Variants in AGAP1 observed in about 807,000 individuals in gnomAD.
AGAP1 encodes the protein arf-GAP with GTPase, ANK repeat and PH domain-containing protein 1.
A neutral mutation model predicts 105.3 loss-of-function variants in AGAP1; 29 were observed. That is an observed-to-expected ratio of 0.28 (90% CI 0.21 to 0.38). The LOEUF is 0.38. Ranked by LOEUF, AGAP1 falls within the 10% of genes least tolerant of loss-of-function variation. The pLI, the probability that AGAP1 is intolerant of heterozygous loss-of-function variation, is 1.00. For synonymous variants in AGAP1, 509 were observed against 485.9 expected (o/e 1.05, Z -0.63); for missense variants, 998 against 1,165.1 (o/e 0.86, Z 2.09).
intron 1 of AGAP1, among the ~76,000 whole-genome samples, chr2:235,658,700 G>A (rs1302191515): frequency 6.6e-6 from 1 of 152,172 alleles, no homozygotes; most frequent in Non-Finnish European, 1.5e-5. Flanking sequence ...GCCTTTCCAG[G>A]AACTCTGGAA....
Position 235,989,840 on chromosome 2 carries a change from A to G in AGAP1, c.1645+21217A>G, listed in dbSNP as rs1334297328. On this transcript the variant is annotated intron_variant, in intron 13 of 17. Transcript: ENST00000304032. The surrounding 1 kb of genome is among the most constrained non-coding windows in gnomAD (Gnocchi z 4.4). ...GCTCACAGGGAGGGACAGCCTCGGA[A>G]GAGGAAATCCATGCGTCTTCCTTTT... 6.6e-6 allele frequency among the ~76,000 whole-genome samples: 1 copy of G among 152,166 alleles called. No individual in the cohort carries two copies. Among genetic ancestry groups the G allele is most frequent in the Non-Finnish European group, 1.5e-5 (1 of 68,030 alleles).
chr2:235,909,819 G>A (rs2051489353), intron 11 of AGAP1, among the ~76,000 whole-genome samples: 1 of 152,050 alleles, frequency 6.6e-6, no homozygotes, highest in African/African-American at 2.4e-5. Flanking sequence ...TCAGGAGTTC[G>A]AGACCAGCCT....
At chr2:235,980,210 A>C (rs931211717) in intron 13 of AGAP1, among the ~76,000 whole-genome samples, 7 of 152,204 alleles carry the variant, frequency 4.6e-5, no homozygotes, top group African/African-American at 1.4e-4. Context: ...CTAGTCAATT[A>C]TGCATGGCCC....
rs572908893 is a variant in AGAP1, at chr2:235,897,951, C to T, written c.1156-10787C>T. Among the ~76,000 whole-genome samples the T allele has an allele frequency of 2.6e-5, 4 of 152,202 alleles. No homozygotes were observed. The South Asian group carries it at 6.2e-4, about 24-fold the overall frequency. ...CCCCAGATGGAAACCAATCAAGGTGCGATTTATGTTCATTAAGTGCTTGTC... is the reference window on the plus strand; with the variant it reads ...CCCCAGATGGAAACCAATCAAGGTGTGATTTATGTTCATTAAGTGCTTGTC... On this transcript the variant is annotated intron_variant, in intron 10 of 17. Coordinates refer to ENST00000304032, the MANE Select transcript of AGAP1 (RefSeq NM_001037131.3).
In AGAP1 at chr2:235,852,947, T is replaced by A. The variant is rs572479216; in HGVS notation, c.1051-30398T>A. 3.8e-5 allele frequency: 49 copies of A among 1,272,884 alleles called. No individual in the cohort carries two copies. In the African/African-American group the frequency reaches 7.0e-4, roughly 18 times the overall value. 78.8% of individuals were successfully genotyped at this position (1,272,884 alleles called of 1,614,324 possible). ...GACTTCAGCGCATCTCTGATAGACC[T>A]TTGACACCTTCCAACAAAGAGGTTA... is the stretch of plus-strand genomic sequence containing the variant. On this transcript the variant is annotated intron_variant, in intron 9 of 17. Transcript: ENST00000304032.
At chr2:235,912,093 A>G (rs559933797) in intron 11 of AGAP1, among the ~76,000 whole-genome samples, 4 of 152,372 alleles carry the variant, frequency 2.6e-5, no homozygotes, top group Admixed American at 6.5e-5. Context: ...AGAATAAGCC[A>G]TGGGCGGAGG....
Position 235,976,974 on chromosome 2 carries a change from G to A in AGAP1, c.1645+8351G>A, listed in dbSNP as rs187820997. 5.4e-4 allele frequency among the ~76,000 whole-genome samples: 82 copies of A among 152,310 alleles called. No homozygotes were observed. The highest frequency in any genetic ancestry group is 4.4e-5 in the Non-Finnish European group (3 of 68,022). ...TTTGAGCTCCTTAGCCTGCTACACA[G>A]AAGCATAAACTCACCTTTGAAAAAT... On this transcript the variant is annotated intron_variant, in intron 13 of 17. Transcript: ENST00000304032. This position sits in a 1 kb window ranked among gnomAD's most constrained non-coding sequence, Gnocchi z 4.5.
At chr2:235,593,951 A>G (rs997698972) in intron 1 of AGAP1, among the ~76,000 whole-genome samples, 1 of 152,206 alleles carries the variant, frequency 6.6e-6, no homozygotes, top group Non-Finnish European at 1.5e-5. Context: ...CCTGGGGGAC[A>G]GAGCAAGCAA....
In AGAP1 at chr2:235,883,561, G is replaced by T. The variant is rs931512107; in HGVS notation, c.1155+112G>T. On this transcript the variant is annotated intron_variant, in intron 10 of 17. Coordinates refer to ENST00000304032, the MANE Select transcript of AGAP1 (RefSeq NM_001037131.3). The surrounding 1 kb of genome is among the most constrained non-coding windows in gnomAD (Gnocchi z 4.5). ...CTTGTCTCTGTTTGAAGTGAAAGTC[G>T]TATTTGGTCTCCTGCTCAACTGTGA... The T allele has an allele frequency of 4.8e-6, 4 of 829,334 alleles. No homozygotes were observed. The highest frequency in any genetic ancestry group is 2.3e-4 in the Middle Eastern group (1 of 4,336). 51.4% of individuals were successfully genotyped at this position (829,334 alleles called of 1,614,324 possible). A position where few individuals can be genotyped will look rare whatever the true frequency, so the allele number is the denominator to read the frequency against.
chr2:236,078,025 GAAAC>G lies in AGAP1; in HGVS notation c.2114+28747_2114+28750del, dbSNP rs1417155455. Among the ~76,000 whole-genome samples the G allele has an allele frequency of 6.8e-6, 1 of 146,302 alleles. No homozygotes were observed. The highest frequency in any genetic ancestry group is 1.5e-5 in the Non-Finnish European group (1 of 66,938). On this transcript the variant is annotated intron_variant, in intron 16 of 17. Transcript: ENST00000304032. The surrounding 1 kb of genome is among the most constrained non-coding windows in gnomAD (Gnocchi z 5.3). ...GCTGTATCCATCAGGGTTCTCCAGA[GAAAC>G]AACCAATTTGTGTGTGTGTGTGTGT...
intron 6 of AGAP1, among the ~76,000 whole-genome samples, chr2:235,794,674 G>A (rs1957160632): frequency 6.6e-6 from 1 of 152,126 alleles, no homozygotes; most frequent in South Asian, 2.1e-4. Context: ...ATTTCACCAT[G>A]TTGGCCAGGC....
At chr2:235,914,184 T>C (rs963426325) in intron 11 of AGAP1, among the ~76,000 whole-genome samples, 11 of 152,204 alleles carry the variant, frequency 7.2e-5, no homozygotes, top group Admixed American at 5.2e-4. Context: ...TTCTGTTGAT[T>C]CTCTAGCACA....
At chr2:235,603,899 T>G (rs1945825323) in intron 1 of AGAP1, among the ~76,000 whole-genome samples, 1 of 152,100 alleles carries the variant, frequency 6.6e-6, no homozygotes, top group South Asian at 2.1e-4. Context: ...TCCATCAGGT[T>G]GGTTGACGGG....
Position 235,705,202 on chromosome 2 carries a change from C to A in AGAP1, c.164-3977C>A, listed in dbSNP as rs895626384. Among the ~76,000 whole-genome samples the A allele has an allele frequency of 1.3e-5, 2 of 152,084 alleles. No individual in the cohort carries two copies. Among genetic ancestry groups the A allele is most frequent in the Non-Finnish European group, 1.5e-5 (1 of 68,012 alleles). ...CCATGTTGGCCAGGCTGGTCTTGAA[C>A]TCCTGACCTCAGGTGATCTGCGCGC... On this transcript the variant is annotated intron_variant, in intron 1 of 17. Coordinates refer to ENST00000304032, the MANE Select transcript of AGAP1 (RefSeq NM_001037131.3). This position sits in a 1 kb window ranked among gnomAD's most constrained non-coding sequence, Gnocchi z 4.9.
chr2:235,752,616 G>A lies in AGAP1; in HGVS notation c.673+2128G>A, dbSNP rs775380817. 8.5e-5 allele frequency among the ~76,000 whole-genome samples: 13 copies of A among 152,246 alleles called. No homozygotes were observed. The highest frequency in any genetic ancestry group is 5.8e-4 in the East Asian group (3 of 5,182). On this transcript the variant is annotated intron_variant, in intron 6 of 17. Coordinates refer to ENST00000304032, the MANE Select transcript of AGAP1 (RefSeq NM_001037131.3). The surrounding 1 kb of genome is among the most constrained non-coding windows in gnomAD (Gnocchi z 4.3). Reference sequence around the variant, plus strand: ...CCCAGAATATTCACTCTCTGGCCCCGTGCAGAGAGCTTGCCGGTCCCCGAT... The same window carrying A: ...CCCAGAATATTCACTCTCTGGCCCCATGCAGAGAGCTTGCCGGTCCCCGAT...
chr2:235,786,955 C>T (rs1456057403), intron 6 of AGAP1, among the ~76,000 whole-genome samples: 11 of 152,216 alleles, frequency 7.2e-5, no homozygotes. Context: ...GACACCTTTT[C>T]CCAGCATATG....
rs1032464000 is a variant in AGAP1, at chr2:236,096,830, C to G, written c.2115-23362C>G. Among the ~76,000 whole-genome samples, 9 of 152,000 alleles carry G rather than the reference C, an allele frequency of 5.9e-5. No homozygotes were observed. The highest frequency in any genetic ancestry group is 2.2e-4 in the African/African-American group (9 of 41,396). ...AGCTCCCAACCTCAAGTGATTCACC[C>G]CGGCCTCCCAAAGTGCTGGGATTAC... On this transcript the variant is annotated intron_variant, in intron 16 of 17. Transcript: ENST00000304032. This position sits in a 1 kb window ranked among gnomAD's most constrained non-coding sequence, Gnocchi z 4.4.
chr2:235,833,855 GTTTTT>G (rs77488721), intron 9 of AGAP1, among the ~76,000 whole-genome samples: 2 of 124,926 alleles, frequency 1.6e-5, no homozygotes, highest in Admixed American at 1.6e-4. Context: ...CTCCAATCTG[GTTTTT>G]TTTTTTTTTT....
At chr2:235,771,546 G>A (rs770340049) in intron 6 of AGAP1, among the ~76,000 whole-genome samples, 3 of 152,200 alleles carry the variant, frequency 2.0e-5, no homozygotes, top group Non-Finnish European at 2.9e-5. Flanking sequence ...GTGGCCGTGT[G>A]TTCACGTGAC....
Sources: allele counts gnomAD v4.1 joint callset (sites outside exome capture counted in the v4.1 genomes callset), GRCh38; gene constraint gnomAD v4.1.1; non-coding constraint Gnocchi (gnomAD v3.1); transcripts MANE v1.5; gene names NCBI Gene and HGNC (gene_info 2026-07-23, HGNC 2026-07-21).